The following CNIH4 variants were observed in gnomAD, a reference collection of about 807,000 sequenced individuals.
CNIH4 encodes the protein cornichon family member 4.
A neutral mutation model predicts 21.5 loss-of-function variants in CNIH4; 9 were observed. That is an observed-to-expected ratio of 0.42 (90% CI 0.25 to 0.73). The LOEUF (loss-of-function observed/expected upper bound fraction) is 0.73, where lower values mean the gene tolerates loss of function less well. Among genes scored for constraint, CNIH4 ranks in the 30% least tolerant of loss-of-function variants. The pLI is 0.27. For synonymous variants in CNIH4, 67 were observed against 59.1 expected (o/e 1.13, Z -0.61); for missense variants, 159 against 170.0 (o/e 0.94, Z 0.36).
rs1453779408 is a variant in CNIH4 at position 224,375,906 on chromosome 1, C to T, written c.*84C>T. 43 of 1,565,456 alleles carry T rather than the reference C, an allele frequency of 2.7e-5. No individual in the cohort carries two copies. The South Asian group carries it at 4.0e-4, about 15-fold the overall frequency. On this transcript the variant is annotated 3_prime_UTR_variant, in exon 5 of 5. Transcript: ENST00000465271. ...AGACTTCTTAAATCATCCTTAGAAC[C>T]GTGACCATAGCAGTATATATTTTCC... is the stretch of plus-strand genomic sequence containing the variant.
chr1:224,366,064 C>A, intron 3 of CNIH4, 73 bp downstream of exon 3: 1 of 919,604 alleles, frequency 1.1e-6, no homozygotes, highest in Non-Finnish European at 1.8e-6. Flanking sequence ...TTTTTCAAGA[C>A]AGGATCTTAC....
chr1:224,358,680 T>C (rs540318738), intron 1 of CNIH4, among the ~76,000 whole-genome samples: 1 of 152,306 alleles, frequency 6.6e-6, no homozygotes, highest in Admixed American at 6.5e-5. Context: ...AGCCAAAAGA[T>C]TGGACACCCC....
chr1:224,362,471 G>T (rs1304511013), intron 2 of CNIH4, among the ~76,000 whole-genome samples: 1 of 143,822 alleles, frequency 7.0e-6, no homozygotes. Flanking sequence ...ATTTTACAGT[G>T]CTGTATCGCT....
At position 224,378,271 on chromosome 1, in the gene CNIH4, TACTG is replaced by T. The variant is rs1434193146; in HGVS notation, c.*2450_*2453del. ...ATGTTGCCTAGGCTGGTATCAAAAT[TACTG>T]GCCTCAAGCGATTCTCCTGCCTCGG... On this transcript the variant is annotated 3_prime_UTR_variant, in exon 5 of 5. Transcript: ENST00000465271. The T allele has an allele frequency of 6.6e-6, 1 of 152,142 alleles. No homozygotes were observed. The highest frequency in any genetic ancestry group is 1.5e-5 in the Non-Finnish European group (1 of 68,076). 9.4% of individuals were successfully genotyped at this position (152,142 alleles called of 1,614,324 possible). A position where few individuals can be genotyped will look rare whatever the true frequency, so the allele number is the denominator to read the frequency against.
At position 224,371,344 on chromosome 1, in the gene CNIH4, G is replaced by A. The variant is rs377109185; in HGVS notation, c.313G>A (p.Gly105Arg). ...TGATCCAACAGAAATACACAATCGA[G>A]GGCAGCTGAAGTCACACATGAAAGA... Reference protein sequence around the residue: ...VFDPTEIHNRGQLKSHMKEAM... With the variant: ...VFDPTEIHNRRQLKSHMKEAM... Residue 105 changes from glycine (G) to arginine (R), a missense_variant, in exon 4 of 5, where the codon GGG (glycine) becomes AGG (arginine). By Grantham distance (125) the Gly-to-Arg change is moderately radical (BLOSUM62 -2). Coordinates refer to ENST00000465271, the MANE Select transcript of CNIH4 (RefSeq NM_014184.4). The A allele has an allele frequency of 3.1e-6, 5 of 1,613,948 alleles. No homozygotes were observed. Among genetic ancestry groups the A allele is most frequent in the Non-Finnish European group, 4.2e-6 (5 of 1,179,992 alleles).
At chr1:224,357,063 G>C in intron 1 of CNIH4, 70 bp downstream of exon 1, 1 of 1,540,216 alleles carries the variant, frequency 6.5e-7, no homozygotes, top group Non-Finnish European at 8.8e-7. Context: ...TTGGGCACCC[G>C]GGCAGGTGTG....
chr1:224,362,750 G>C (rs1672335624), intron 2 of CNIH4, among the ~76,000 whole-genome samples: 1 of 152,128 alleles, frequency 6.6e-6, no homozygotes, highest in African/African-American at 2.4e-5. Flanking sequence ...AAAGTGCTGG[G>C]ATTACAGGCA....
At position 224,365,935 on chromosome 1, in the gene CNIH4, A is replaced by T; in HGVS notation, c.195A>T (p.Ser65=). ...HTIVTVLLLM[S]LHWFIFLLNL... ...TTGTCACTGTATTACTGCTCATGTCATTGCACTGGTTCATCTTCCTTCTCA... is the reference window on the plus strand; with the variant it reads ...TTGTCACTGTATTACTGCTCATGTCTTTGCACTGGTTCATCTTCCTTCTCA... The change falls in exon 3 of 5, where the codon TCA becomes TCT. Residue 65 remains serine, a synonymous_variant. Transcript: ENST00000465271. The T allele has an allele frequency of 6.2e-7, 1 of 1,613,440 alleles. No homozygotes were observed.
At position 224,361,087 on chromosome 1, in the gene CNIH4, A is replaced by G. The variant is rs904229834; in HGVS notation, c.138+524A>G. On this transcript the variant is annotated intron_variant, in intron 2 of 4. Transcript: ENST00000465271. ...CTCGGCCTTCTGAGTAGCTGGGACT[A>G]CAGGCGCATGCCACCATGCCTGGCT... Among the ~76,000 whole-genome samples the G allele has an allele frequency of 2.0e-5, 3 of 150,378 alleles. No individual in the cohort carries two copies. The East Asian group carries it at 5.8e-4, about 29-fold the overall frequency.
chr1:224,358,591 T>C (rs1572116035), intron 1 of CNIH4, among the ~76,000 whole-genome samples: 1 of 152,176 alleles, frequency 6.6e-6, no homozygotes. Flanking sequence ...GATTTTTTTT[T>C]AAGTTCATCA....
At chr1:224,367,524 AT>A (rs770314664) in intron 3 of CNIH4, among the ~76,000 whole-genome samples, 680 of 142,590 alleles carry the variant, frequency 4.8e-3, no homozygotes, top group Middle Eastern at 7.4e-3. Flanking sequence ...TGGGTTCTGA[AT>A]TTTTTTTTTT....
rs751455236 is a variant in CNIH4, at chr1:224,356,998, C to T, written c.69+5C>T. On this transcript the variant is annotated splice_donor_5th_base_variant and intron_variant, in intron 1 of 4. Transcript: ENST00000465271. ...ATCTTCCTCTCGGTCTACTTCGTAT[C>T]CTTGCCTGAGGCAGGCGAACGCCTT... 2 of 1,610,434 alleles carry T rather than the reference C, an allele frequency of 1.2e-6. No homozygotes were observed. Among genetic ancestry groups the T allele is most frequent in the Non-Finnish European group, 1.7e-6 (2 of 1,178,428 alleles).
At chr1:224,358,344 A>T (rs1385732556) in intron 1 of CNIH4, among the ~76,000 whole-genome samples, 4 of 152,192 alleles carry the variant, frequency 2.6e-5, no homozygotes, top group African/African-American at 9.7e-5. Flanking sequence ...AGCAGTTTTT[A>T]CTTTGATGAT....
chr1:224,356,827 A>T (rs7517754), upstream of CNIH4: 1 of 998,316 alleles, frequency 1.0e-6, no homozygotes, highest in Non-Finnish European at 1.6e-6. Flanking sequence ...GGATTCGAGG[A>T]CCACACGCCT....
At chr1:224,359,242 A>C (rs775912696) in intron 1 of CNIH4, among the ~76,000 whole-genome samples, 11 of 152,174 alleles carry the variant, frequency 7.2e-5, no homozygotes, top group Non-Finnish European at 1.3e-4. Context: ...AGCCATTGAA[A>C]ATTTTTATTT....
chr1:224,362,741 A>T (rs531551489), intron 2 of CNIH4, among the ~76,000 whole-genome samples: 3 of 152,018 alleles, frequency 2.0e-5, no homozygotes, highest in Non-Finnish European at 4.4e-5. Context: ...AATCTGCCCA[A>T]AGTGCTGGGA....
At chr1:224,363,977 C>T in intron 2 of CNIH4, 1 of 816,316 alleles carries the variant, frequency 1.2e-6, no homozygotes, top group Non-Finnish European at 1.5e-6. Context: ...AGTCTAGTGC[C>T]AGTGTACTGA....
At chr1:224,357,176 C>A (rs898131114) in intron 1 of CNIH4, 183 bp downstream of exon 1, 1 of 631,576 alleles carries the variant, frequency 1.6e-6, no homozygotes, top group African/African-American at 1.9e-5. Context: ...GCTGGCTGCC[C>A]TACCCGACGG....
chr1:224,369,388 C>T (rs1160195860), intron 3 of CNIH4, among the ~76,000 whole-genome samples: 2 of 152,058 alleles, frequency 1.3e-5, no homozygotes, highest in African/African-American at 4.8e-5. Flanking sequence ...TCTTGGCCAA[C>T]ACGGGGAGAC....
Sources: allele counts gnomAD v4.1 joint callset (sites outside exome capture counted in the v4.1 genomes callset), GRCh38; gene constraint gnomAD v4.1.1; transcripts MANE v1.5; gene names NCBI Gene and HGNC (gene_info 2026-07-23, HGNC 2026-07-21).